PTPN5: variants seen among roughly 807,000 people sequenced by gnomAD.
PTPN5 encodes tyrosine-protein phosphatase non-receptor type 5.
A neutral mutation model predicts 73.9 loss-of-function variants in PTPN5; 29 were observed. That is an observed-to-expected ratio of 0.39 (90% CI 0.29 to 0.54). The LOEUF is 0.54. Among genes scored for constraint, PTPN5 ranks in the 20% least tolerant of loss-of-function variants. The pLI is 0.65. For synonymous variants in PTPN5, 267 were observed against 304.7 expected (o/e 0.88, Z 1.29); for missense variants, 652 against 751.4 (o/e 0.87, Z 1.55).
At position 18,732,694 on chromosome 11, in the gene PTPN5, G is replaced by A. The variant is rs771897319; in HGVS notation, c.1227C>T (p.Thr409=). 2.2e-5 allele frequency: 36 copies of A among 1,613,466 alleles called. No homozygotes were observed. Among genetic ancestry groups the A allele is most frequent in the South Asian group, 1.2e-4 (11 of 91,042 alleles). ...CCACCTGCTCCTCCGGCCAATACTC[G>A]GTGCATTTCTGCAGGGGCCCAGATC... ...TNIEEMNEKC[T]EYWPEEQVAY... is the part of the protein sequence containing the mutation. The change falls in exon 12 of 15, where the codon ACC becomes ACT. Residue 409 remains threonine, a synonymous_variant. Transcript: ENST00000358540.
chr11:18,748,169 T>C (rs1849723353), intron 3 of PTPN5, among the ~76,000 whole-genome samples: 1 of 152,200 alleles, frequency 6.6e-6, no homozygotes, highest in African/African-American at 2.4e-5. Context: ...CTCCCACCTG[T>C]CACATCTAAA....
At chr11:18,750,101 C>T (rs12575661) in intron 3 of PTPN5, among the ~76,000 whole-genome samples, 9 of 152,132 alleles carry the variant, frequency 5.9e-5, no homozygotes, top group South Asian at 2.1e-4. Flanking sequence ...GCCCAGAGAG[C>T]GGAAGTGGCT....
chr11:18,790,315 GAGT>G (rs1232267884), intron 1 of PTPN5, among the ~76,000 whole-genome samples: 1 of 152,124 alleles, frequency 6.6e-6, no homozygotes, highest in East Asian at 1.9e-4. Context: ...GGCCTGGTTG[GAGT>G]AGAAGATCTG....
chr11:18,756,938 C>CAAAAAAAAA (rs1564910700), intron 3 of PTPN5, among the ~76,000 whole-genome samples: 2 of 138,134 alleles, frequency 1.4e-5, no homozygotes, highest in South Asian at 2.3e-4. Flanking sequence ...AAAAAAAAAC[C>CAAAAAAAAA]AAAAAACAAA....
intron 8 of PTPN5, among the ~76,000 whole-genome samples, chr11:18,739,371 T>G (rs556804371): frequency 1.7e-4 from 26 of 152,136 alleles, no homozygotes; most frequent in African/African-American, 6.3e-4. Flanking sequence ...AAAGAAGGCT[T>G]TCTAGAGGCA....
chr11:18,747,063 G>A (rs373416193), intron 3 of PTPN5, among the ~76,000 whole-genome samples: 34 of 152,120 alleles, frequency 2.2e-4, no homozygotes, highest in African/African-American at 7.0e-4. Context: ...GCTTGAACTA[G>A]AATTCAGCGC....
chr11:18,786,272 G>A (rs757417310), intron 1 of PTPN5, among the ~76,000 whole-genome samples: 1 of 151,736 alleles, frequency 6.6e-6, no homozygotes, highest in Non-Finnish European at 1.5e-5. Flanking sequence ...GCTCTATCTC[G>A]GCTCACTGCA....
rs750254395 is a variant in PTPN5 at position 18,733,310 on chromosome 11, G to A, written c.1143C>T (p.Ala381=). The A allele has an allele frequency of 2.4e-5, 39 of 1,614,006 alleles. No homozygotes were observed. The highest frequency in any genetic ancestry group is 3.3e-5 in the South Asian group (3 of 91,088). The change falls in exon 11 of 15, where the codon GCC becomes GCT. Residue 381 remains alanine, a synonymous_variant. Coordinates refer to ENST00000358540, the MANE Select transcript of PTPN5 (RefSeq NM_006906.2). This position sits in a 1 kb window ranked among gnomAD's most constrained non-coding sequence, Gnocchi z 4.3. ...CCTGCCACACCATGCGCCAGAAGTC[G>A]GCGACCGTGCTGACGATGGGTCCCT... The part of the protein sequence containing the change: ...ATQGPIVSTV[A]DFWRMVWQEH...
At chr11:18,739,624 T>A (rs1421979531) in intron 8 of PTPN5, among the ~76,000 whole-genome samples, 1 of 152,128 alleles carries the variant, frequency 6.6e-6, no homozygotes, top group Non-Finnish European at 1.5e-5. Flanking sequence ...AGCTACCCGG[T>A]CCAGACAGGC....
At chr11:18,783,489 C>A (rs1253754943) in intron 1 of PTPN5, among the ~76,000 whole-genome samples, 5 of 152,210 alleles carry the variant, frequency 3.3e-5, no homozygotes, top group African/African-American at 4.8e-5. Flanking sequence ...GTTCCCACAG[C>A]CCTACAGAGC....
At chr11:18,765,683 C>A (rs2134299841) in intron 3 of PTPN5, 124 bp downstream of exon 3, 1 of 714,436 alleles carries the variant, frequency 1.4e-6, no homozygotes, top group African/African-American at 1.8e-5. Context: ...AGCTATGGAG[C>A]AGCTGCATGG....
At position 18,786,108 on chromosome 11, in the gene PTPN5, G is replaced by C. The variant is rs148568751; in HGVS notation, c.-114+5417C>G. 3.9e-5 allele frequency among the ~76,000 whole-genome samples: 6 copies of C among 152,312 alleles called. No individual in the cohort carries two copies. In the East Asian group the frequency reaches 1.2e-3, roughly 29 times the overall value. ...TCAGTCTAAGAGTTTGGAAATTACT[G>C]AGTTTTGCCAGACACCGGTGGCCAT... is the stretch of plus-strand genomic sequence containing the variant. On this transcript the variant is annotated intron_variant, in intron 1 of 14. Coordinates refer to ENST00000358540, the MANE Select transcript of PTPN5 (RefSeq NM_006906.2).
In PTPN5 at chr11:18,744,118, G is replaced by A. The variant is rs145275249; in HGVS notation, c.179C>T (p.Pro60Leu). ...QDSQREMPPP[P>L]PPSPPSDPAQ... Reference sequence around the variant, plus strand: ...TGGATCTGAGGGCGGCGAGGGAGGAGGGGGTGGCGGCATCTCTCTCTGTGA... The same window carrying A: ...TGGATCTGAGGGCGGCGAGGGAGGAAGGGGTGGCGGCATCTCTCTCTGTGA... Residue 60 changes from proline to leucine, a missense_variant, in exon 4 of 15, where the codon CCT becomes CTT. Coordinates refer to ENST00000358540, the MANE Select transcript of PTPN5 (RefSeq NM_006906.2). 6.0e-5 allele frequency: 96 copies of A among 1,610,558 alleles called. No homozygotes were observed. The African/African-American group carries it at 1.2e-3, about 20-fold the overall frequency.
In PTPN5 at chr11:18,735,492, C is replaced by T. The variant is rs537140779; in HGVS notation, c.1001-1857G>A. Among the ~76,000 whole-genome samples, 37 of 151,936 alleles carry T rather than the reference C, an allele frequency of 2.4e-4. No homozygotes were observed. The South Asian group carries it at 6.9e-3, about 28-fold the overall frequency. On this transcript the variant is annotated intron_variant, in intron 9 of 14. Coordinates refer to ENST00000358540, the MANE Select transcript of PTPN5 (RefSeq NM_006906.2). ...GTGGTGAGGCTGGAGAGGAACCAGG[C>T]GACAAAGGGTCTTATAAACCAGGCT...
intron 1 of PTPN5, 40 bp from the exon 2 acceptor site, chr11:18,772,111 C>A: frequency 1.8e-6 from 1 of 568,910 alleles, no homozygotes; most frequent in South Asian, 2.5e-5. Flanking sequence ...TGACTAGTCT[C>A]AGGTCACACA....
chr11:18,781,098 C>T (rs1331445473), intron 1 of PTPN5, among the ~76,000 whole-genome samples: 2 of 152,110 alleles, frequency 1.3e-5, no homozygotes, highest in Non-Finnish European at 2.9e-5. Flanking sequence ...TTGGAACTCA[C>T]CTCCTCCAGG....
chr11:18,775,093 G>A lies in PTPN5; in HGVS notation c.-113-3022C>T, dbSNP rs116271192. Among the ~76,000 whole-genome samples, 1,213 of 152,290 alleles carry A rather than the reference G, an allele frequency of 8.0e-3. 15 individuals carry two copies. The highest frequency in any genetic ancestry group is 0.027 in the African/African-American group (1,122 of 41,562). ...TCCTCACAGCAGCCCCTGGAGGAAC[G>A]TACTAACGTTTCCTGCATTTTCTAA... On this transcript the variant is annotated intron_variant, in intron 1 of 14. Transcript: ENST00000358540.
At position 18,740,797 on chromosome 11, in the gene PTPN5, A is replaced by G; in HGVS notation, c.726-5T>C. The G allele has an allele frequency of 6.6e-7, 1 of 1,507,198 alleles. No individual in the cohort carries two copies. The highest frequency in any genetic ancestry group is 8.9e-7 in the Non-Finnish European group (1 of 1,120,804). 93.4% of individuals were successfully genotyped at this position (1,507,198 alleles called of 1,614,324 possible). A position where few individuals can be genotyped will look rare whatever the true frequency, so the allele number is the denominator to read the frequency against. ...AGGGAGACATTGGAACCCCTCCTGG[A>G]AGGACCAGGAAAGGGAGTGTGAGCC... On this transcript the variant is annotated splice_region_variant and splice_polypyrimidine_tract_variant and intron_variant, in intron 7 of 14. Coordinates refer to ENST00000358540, the MANE Select transcript of PTPN5 (RefSeq NM_006906.2).
chr11:18,764,928 G>A (rs927882700), intron 3 of PTPN5, among the ~76,000 whole-genome samples: 11 of 152,066 alleles, frequency 7.2e-5, no homozygotes, highest in Non-Finnish European at 1.5e-5. Context: ...TAGCCAGGAT[G>A]GTCTCGATCT....
Sources: gnomAD v4.1 joint callset for allele counts (sites outside exome capture counted in the v4.1 genomes callset) on GRCh38, gnomAD v4.1.1 for gene constraint, Gnocchi (gnomAD v3.1) non-coding constraint, MANE v1.5 for transcripts, NCBI Gene and HGNC (gene_info 2026-07-23, HGNC 2026-07-21) for gene names.